Variants in DARS2 observed in about 807,000 individuals in gnomAD.
DARS2 encodes aspartyl-tRNA synthetase 2, mitochondrial.
In DARS2, 63 loss-of-function variants were observed where a neutral mutation model predicts 83.0. That is an observed-to-expected ratio of 0.76 (90% CI 0.62 to 0.94). DARS2 has a LOEUF of 0.94. Among genes scored for constraint, DARS2 ranks in the 40% least tolerant of loss-of-function variants. DARS2 has a pLI of 0.00. For synonymous variants in DARS2, 250 were observed against 269.3 expected (o/e 0.93, Z 0.70); for missense variants, 675 against 774.4 (o/e 0.87, Z 1.52).
At chr1:173,855,714 G>A (rs1206494569) in intron 15 of DARS2, among the ~76,000 whole-genome samples, 1 of 151,194 alleles carries the variant, frequency 6.6e-6, no homozygotes, top group Non-Finnish European at 1.5e-5. Context: ...GTGCAGTGGC[G>A]TGATCTTGGT....
chr1:173,829,085 A>G (rs749496360), intron 3 of DARS2, among the ~76,000 whole-genome samples: 2 of 152,216 alleles, frequency 1.3e-5, no homozygotes, highest in Non-Finnish European at 2.9e-5. Context: ...AATCCAAGGA[A>G]TACTGTTAAG....
At chr1:173,831,958 G>A (rs561782439) in intron 5 of DARS2, among the ~76,000 whole-genome samples, 1 of 152,202 alleles carries the variant, frequency 6.6e-6, no homozygotes, top group Admixed American at 6.5e-5. Flanking sequence ...TTTATGTCTA[G>A]CTTAGAAATG....
intron 8 of DARS2, among the ~76,000 whole-genome samples, chr1:173,837,838 A>G (rs1046527844): frequency 3.3e-5 from 5 of 151,810 alleles, no homozygotes; most frequent in Admixed American, 2.6e-4. Flanking sequence ...CAATGGCGCA[A>G]TCTCGGCTCA....
chr1:173,847,844 C>CTTTTTT (rs1160841148), intron 12 of DARS2, among the ~76,000 whole-genome samples: 38 of 78,658 alleles, frequency 4.8e-4, no homozygotes, highest in Non-Finnish European at 6.3e-4. Flanking sequence ...CTTTCTGAAC[C>CTTTTTT]TTTTTTTTTT....
intron 3 of DARS2, 39 bp from the exon 4 acceptor site, chr1:173,830,621 C>T: frequency 2.0e-6 from 3 of 1,508,128 alleles, no homozygotes; most frequent in Non-Finnish European, 1.8e-6. Context: ...CCTGTAAGTT[C>T]ATTTGTTTCT....
chr1:173,849,723 C>A (rs1189713841), intron 12 of DARS2, among the ~76,000 whole-genome samples: 1 of 152,102 alleles, frequency 6.6e-6, no homozygotes, highest in African/African-American at 2.4e-5. Flanking sequence ...TTATGCCAGA[C>A]CTTCCTGCAC....
intron 15 of DARS2, among the ~76,000 whole-genome samples, chr1:173,855,831 T>G (rs946593286): frequency 7.7e-5 from 11 of 143,304 alleles, no homozygotes; most frequent in African/African-American, 1.1e-4. Flanking sequence ...TTTTTTTTTT[T>G]TGTATTTTTA....
chr1:173,853,387 CCTT>C lies in DARS2; in HGVS notation c.1386_1388del (p.Leu463del), dbSNP rs1158682989. On this transcript the variant is annotated inframe_deletion, in exon 14 of 17. Coordinates refer to ENST00000649689, the MANE Select transcript of DARS2 (RefSeq NM_018122.5). ...GAAAATTACGACTGGAATGTGCTGA[CCTT>C]CTAGAAACAAGAGGAGTGGTGCTCC... 1.2e-6 allele frequency: 2 copies of C among 1,613,992 alleles called. No individual in the cohort carries two copies. Among genetic ancestry groups the C allele is most frequent in the Admixed American group, 1.7e-5 (1 of 59,990 alleles).
In DARS2 at chr1:173,825,260, T is replaced by C. The variant is rs1452915195; in HGVS notation, c.31T>C (p.Tyr11His). 6.2e-7 allele frequency: 1 copy of C among 1,613,194 alleles called. No individual in the cohort carries two copies. Among genetic ancestry groups the C allele is most frequent in the Admixed American group, 1.7e-5 (1 of 59,914 alleles). The stretch of plus-strand genomic sequence containing the variant: ...CTTCCCTTCTTGGTTAAGTCAGCTG[T>C]ACAGGGGTTTATCCAGACCCATCAG... The part of the protein sequence containing the change: MYFPSWLSQL[Y>H]RGLSRPIRRT... The change falls in exon 1 of 17, where the codon TAC becomes CAC. Residue 11 changes from tyrosine (Y) to histidine (H), a missense_variant. Physicochemically the swap from Tyr to His is moderately conservative, Grantham distance 83. Transcript: ENST00000649689.
intron 15 of DARS2, among the ~76,000 whole-genome samples, chr1:173,855,348 C>T (rs1044847558): frequency 8.5e-5 from 13 of 152,166 alleles, no homozygotes; most frequent in African/African-American, 2.4e-4. Context: ...GAGATCCACC[C>T]GCCTTGGCCT....
rs781480071 is a variant in DARS2 at position 173,853,808 on chromosome 1, A to G, written c.1577A>G (p.His526Arg). The G allele has an allele frequency of 6.2e-7, 1 of 1,614,046 alleles. No homozygotes were observed. Among genetic ancestry groups the G allele is most frequent in the Non-Finnish European group, 8.5e-7 (1 of 1,179,932 alleles). Residue 526 changes from histidine to arginine, a missense_variant, in exon 15 of 17, where the codon CAC (histidine) becomes CGC (arginine). His to Arg is a conservative substitution (Grantham distance 29). Transcript: ENST00000649689. ...TGAATCTTCTAGGCCCGTAGCCAACACTATGACTTGGTTTTAAATGGCAAT... is the reference window on the plus strand; with the variant it reads ...TGAATCTTCTAGGCCCGTAGCCAACGCTATGACTTGGTTTTAAATGGCAAT... ...YTEPKKARSQ[H>R]YDLVLNGNEI... is the part of the protein sequence containing the mutation.
In DARS2 at chr1:173,824,747, C is replaced by T. The variant is rs1026799059; in HGVS notation, c.-483C>T. ...GGAGAATTTTGGCTTTGCTCGCCTT[C>T]CTCTTTCAGAAGACTCGAAATCGGC... On this transcript the variant is annotated 5_prime_UTR_variant, in exon 1 of 17. Transcript: ENST00000649689. 2.2e-5 allele frequency: 4 copies of T among 184,398 alleles called. No homozygotes were observed. Among genetic ancestry groups the T allele is most frequent in the Non-Finnish European group, 4.7e-5 (4 of 85,776 alleles). 11.4% of individuals were successfully genotyped at this position (184,398 alleles called of 1,614,324 possible). A position where few individuals can be genotyped will look rare whatever the true frequency, so the allele number is the denominator to read the frequency against.
At position 173,842,350 on chromosome 1, in the gene DARS2, G is replaced by A. The variant is rs943858516; in HGVS notation, c.1128+1377G>A. Among the ~76,000 whole-genome samples the A allele has an allele frequency of 1.6e-4, 21 of 131,412 alleles. 2 individuals are homozygous for A. The East Asian group carries it at 4.1e-3, about 26-fold the overall frequency. The allele number at this position is 131,412 out of a possible 152,430, so 86.2% of individuals were successfully genotyped here. A position where few individuals can be genotyped will look rare whatever the true frequency, so the allele number is the denominator to read the frequency against. On this transcript the variant is annotated intron_variant, in intron 11 of 16. Transcript: ENST00000649689. ...GTCTTGCTCTGTCGCCCAGGCTGGA[G>A]TGCAGTGGCGCGATCTTGGCTTACT...
chr1:173,854,335 TAGCATC>T (rs2102663324), intron 15 of DARS2, among the ~76,000 whole-genome samples: 1 of 152,282 alleles, frequency 6.6e-6, no homozygotes, highest in Admixed American at 6.5e-5. Flanking sequence ...AGATACAAAA[TAGCATC>T]AGCTATCTCT....
At chr1:173,849,836 CCT>C (rs1491183793) in intron 12 of DARS2, among the ~76,000 whole-genome samples, 3 of 151,320 alleles carry the variant, frequency 2.0e-5, no homozygotes, top group Admixed American at 6.6e-5. Flanking sequence ...ATCCCCTCCC[CCT>C]TTTTTTCATT....
At chr1:173,827,504 G>C (rs547365348) in intron 2 of DARS2, among the ~76,000 whole-genome samples, 1 of 152,058 alleles carries the variant, frequency 6.6e-6, no homozygotes, top group African/African-American at 2.4e-5. Context: ...GGTGATGCTC[G>C]TCTGTAATTC....
At chr1:173,831,050 G>A (rs1037535878) in intron 4 of DARS2, among the ~76,000 whole-genome samples, 1 of 152,092 alleles carries the variant, frequency 6.6e-6, no homozygotes, top group African/African-American at 2.4e-5. Flanking sequence ...CCGAGTAGCT[G>A]GGACTACAGG....
intron 12 of DARS2, among the ~76,000 whole-genome samples, chr1:173,846,790 T>A (rs1653452141): frequency 6.6e-6 from 1 of 151,790 alleles, no homozygotes; most frequent in Admixed American, 6.6e-5. Context: ...AGTGAGACCC[T>A]GTCTCAAAAA....
intron 1 of DARS2, 28 bp downstream of exon 1, chr1:173,825,384 T>C (rs750642916): frequency 1.2e-6 from 2 of 1,608,064 alleles, no homozygotes; most frequent in Non-Finnish European, 1.7e-6. Flanking sequence ...ATCTATCCTA[T>C]GAACAGTACT....
Sources: gnomAD v4.1 joint callset for allele counts (sites outside exome capture counted in the v4.1 genomes callset) on GRCh38, gnomAD v4.1.1 for gene constraint, MANE v1.5 for transcripts, NCBI Gene and HGNC (gene_info 2026-07-23, HGNC 2026-07-21) for gene names.